The following POU3F1 variants were observed in gnomAD, a reference collection of about 807,000 sequenced individuals.
POU3F1 encodes POU class 3 homeobox 1.
Under a neutral mutation model 7.6 loss-of-function variants are expected in POU3F1, and 1 was observed. The observed-to-expected ratio is 0.13, with a 90% CI of 0.05 to 0.62. The LOEUF (loss-of-function observed/expected upper bound fraction) is 0.62, where lower values mean the gene tolerates loss of function less well. POU3F1 is among the 20% of genes least tolerant of loss of function. The pLI is 0.87. For missense variants in POU3F1, 505 were observed against 679.3 expected (o/e 0.74, Z 2.85); for synonymous variants, 354 against 339.0 (o/e 1.04, Z -0.49).
rs748885293 is a variant in POU3F1 at position 38,045,895 on chromosome 1, G to C, written c.849C>G (p.Leu283=). The change falls in exon 1 of 1, where the codon CTC becomes CTG. Residue 283 remains leucine (L), a synonymous_variant. Transcript: ENST00000373012. The surrounding 1 kb of genome is among the most constrained non-coding windows in gnomAD (Gnocchi z 9.4). Reference sequence around the variant, plus strand: ...TGGTCTGCGAGAACACGTTACCGTAGAGCGTGCCCAGCGCCAGCCCCACGT... The same window carrying C: ...TGGTCTGCGAGAACACGTTACCGTACAGCGTGCCCAGCGCCAGCCCCACGT... ...QADVGLALGT[L]YGNVFSQTTI... is the part of the protein sequence containing the mutation. 2.5e-6 allele frequency: 4 copies of C among 1,613,728 alleles called. No individual in the cohort carries two copies. Among genetic ancestry groups the C allele is most frequent in the African/African-American group, 2.7e-5 (2 of 74,932 alleles).
chr1:38,046,636 G>GGCCGCGGCC lies in POU3F1; in HGVS notation c.107_108insGGCCGCGGC (p.Ala35_Ala37dup). ...CGGCCCCTGCATGCAATCGCTCCGCGGCCGCCGCCGCCGCCGCCGCCGCCG... is the reference window on the plus strand; with the variant it reads ...CGGCCCCTGCATGCAATCGCTCCGCGGCCGCGGCCGCCGCCGCCGCCGCCGCCGCCGCCG... On this transcript the variant is annotated inframe_insertion, in exon 1 of 1. Transcript: ENST00000373012. This position sits in a 1 kb window ranked among gnomAD's most constrained non-coding sequence, Gnocchi z 9.5. 7.6e-7 allele frequency: 1 copy of GGCCGCGGCC among 1,318,530 alleles called. No individual in the cohort carries two copies. Among genetic ancestry groups the GGCCGCGGCC allele is most frequent in the Non-Finnish European group, 9.7e-7 (1 of 1,030,508 alleles). 81.7% of individuals were successfully genotyped at this position (1,318,530 alleles called of 1,614,324 possible). A position where few individuals can be genotyped will look rare whatever the true frequency, so the allele number is the denominator to read the frequency against.
Position 38,046,567 on chromosome 1 carries a change from G to A in POU3F1, c.177C>T (p.Gly59=), listed in dbSNP as rs1362123108. ...VQKLMHHEWL[G]AGAGHPVGLA... ...GGCCCACGGGGTGGCCCGCGCCCGC[G>A]CCCAGCCACTCGTGGTGCATCAGCT... The change falls in exon 1 of 1, where the codon GGC becomes GGT. Residue 59 remains glycine, a synonymous_variant. Coordinates refer to ENST00000373012, the MANE Select transcript of POU3F1 (RefSeq NM_002699.4). This position sits in a 1 kb window ranked among gnomAD's most constrained non-coding sequence, Gnocchi z 9.5. 2 of 1,374,850 alleles carry A rather than the reference G, an allele frequency of 1.5e-6. No homozygotes were observed. The highest frequency in any genetic ancestry group is 9.4e-7 in the Non-Finnish European group (1 of 1,060,502). The allele number at this position is 1,374,850 out of a possible 1,614,324, so 85.2% of individuals were successfully genotyped here. A position where few individuals can be genotyped will look rare whatever the true frequency, so the allele number is the denominator to read the frequency against.
At position 38,045,635 on chromosome 1, in the gene POU3F1, G is replaced by T. The variant is rs369867206; in HGVS notation, c.1109C>A (p.Thr370Asn). 8.7e-6 allele frequency: 14 copies of T among 1,613,550 alleles called. No homozygotes were observed. The highest frequency in any genetic ancestry group is 1.2e-5 in the Non-Finnish European group (14 of 1,179,866). ...KCPKPSAHEITGLADSLQLEK... is the reference protein window; with the variant it reads ...KCPKPSAHEINGLADSLQLEK... Reference sequence around the variant, plus strand: ...CAGCTGCAGGCTGTCTGCCAAGCCGGTGATCTCGTGCGCCGAGGGCTTGGG... The same window carrying T: ...CAGCTGCAGGCTGTCTGCCAAGCCGTTGATCTCGTGCGCCGAGGGCTTGGG... Residue 370 changes from threonine (T) to asparagine (N), a missense_variant, in exon 1 of 1, where the codon ACC becomes AAC. This residue lies in a region of POU3F1 where 24 missense variants were observed against 80.6 expected (regional missense o/e 0.30). Transcript: ENST00000373012. The surrounding 1 kb of genome is among the most constrained non-coding windows in gnomAD (Gnocchi z 9.4).
In POU3F1 at chr1:38,046,382, GC is replaced by G. The variant is rs1250573745; in HGVS notation, c.361del (p.Ala121ArgfsTer181). 7 of 1,227,336 alleles carry G rather than the reference GC, an allele frequency of 5.7e-6. No homozygotes were observed. The highest frequency in any genetic ancestry group is 3.6e-5 in the East Asian group (1 of 27,678). 76.0% of individuals were successfully genotyped at this position (1,227,336 alleles called of 1,614,324 possible). On this transcript the variant is annotated frameshift_variant, in exon 1 of 1. Coordinates refer to ENST00000373012, the MANE Select transcript of POU3F1 (RefSeq NM_002699.4). LOFTEE classifies it low-confidence loss of function (END_TRUNC). This position sits in a 1 kb window ranked among gnomAD's most constrained non-coding sequence, Gnocchi z 9.5. ...GFHARLVHQG[A>X]AHAGAAWAQG... Reference sequence around the variant, plus strand: ...CGCCCATGCCGCGCCCGCGTGGGCCGCCCCCTGGTGCACCAGGCGCGCGTGG... The same window carrying G: ...CGCCCATGCCGCGCCCGCGTGGGCCGCCCCTGGTGCACCAGGCGCGCGTGG...
In POU3F1 at chr1:38,046,636, G is replaced by A; in HGVS notation, c.108C>T (p.Ala36=). 1 of 1,318,530 alleles carries A rather than the reference G, an allele frequency of 7.6e-7. No individual in the cohort carries two copies. The highest frequency in any genetic ancestry group is 1.8e-5 in the South Asian group (1 of 54,220). 81.7% of individuals were successfully genotyped at this position (1,318,530 alleles called of 1,614,324 possible). A position where few individuals can be genotyped will look rare whatever the true frequency, so the allele number is the denominator to read the frequency against. The change falls in exon 1 of 1, where the codon GCC becomes GCT. Residue 36 remains alanine (A), a synonymous_variant. Transcript: ENST00000373012. This position sits in a 1 kb window ranked among gnomAD's most constrained non-coding sequence, Gnocchi z 9.5. The part of the protein sequence containing the change: ...DAAAAAAAAA[A]AERLHAGAAY... ...CGGCCCCTGCATGCAATCGCTCCGCGGCCGCCGCCGCCGCCGCCGCCGCCG... is the reference window on the plus strand; with the variant it reads ...CGGCCCCTGCATGCAATCGCTCCGCAGCCGCCGCCGCCGCCGCCGCCGCCG...
In POU3F1 at chr1:38,045,539, C is replaced by T. The variant is rs1229025906; in HGVS notation, c.1205G>A (p.Gly402Asp). Residue 402 changes from glycine to aspartate, a missense_variant, in exon 1 of 1, where the codon GGC (glycine) becomes GAC (aspartate). Physicochemically the swap from Gly to Asp is moderately conservative, Grantham distance 94. Transcript: ENST00000373012. This position sits in a 1 kb window ranked among gnomAD's most constrained non-coding sequence, Gnocchi z 9.4. ...ATCGTCCATGGGCGGGTGGCCCGCGCCGGCCGCAGGGGTCATGCGCTTCTC... is the reference window on the plus strand; with the variant it reads ...ATCGTCCATGGGCGGGTGGCCCGCGTCGGCCGCAGGGGTCATGCGCTTCTC... ...QKEKRMTPAA[G>D]AGHPPMDDVY... 1 of 1,599,030 alleles carries T rather than the reference C, an allele frequency of 6.3e-7. No individual in the cohort carries two copies. Among genetic ancestry groups the T allele is most frequent in the Non-Finnish European group, 8.5e-7 (1 of 1,173,104 alleles).
chr1:38,043,838 T>C lies in POU3F1; in HGVS notation c.*1550A>G, dbSNP rs1646843409. Among the ~76,000 whole-genome samples the C allele has an allele frequency of 6.6e-6, 1 of 152,006 alleles. No individual in the cohort carries two copies. The highest frequency in any genetic ancestry group is 2.4e-5 in the African/African-American group (1 of 41,354). ...GGACAGGACACAGCCCTGGGGTACA[T>C]GTTTATGTGAGTAATAAAATATTTA... On this transcript the variant is annotated 3_prime_UTR_variant, in exon 1 of 1. Transcript: ENST00000373012. This position sits in a 1 kb window ranked among gnomAD's most constrained non-coding sequence, Gnocchi z 4.5.
At position 38,044,787 on chromosome 1, in the gene POU3F1, G is replaced by C. The variant is rs1365485426; in HGVS notation, c.*601C>G. The C allele has an allele frequency of 2.0e-5, 3 of 152,146 alleles. No homozygotes were observed. Among genetic ancestry groups the C allele is most frequent in the Admixed American group, 1.3e-4 (2 of 15,276 alleles). 9.4% of individuals were successfully genotyped at this position (152,146 alleles called of 1,614,324 possible). On this transcript the variant is annotated 3_prime_UTR_variant, in exon 1 of 1. Coordinates refer to ENST00000373012, the MANE Select transcript of POU3F1 (RefSeq NM_002699.4). ...GATTTAAATTAAGGGCGCGGGCGGA[G>C]TTAGAAGGACCCCAGGAGCCGAGAG...
In POU3F1 at chr1:38,045,669, G is replaced by T. The variant is rs1276597999; in HGVS notation, c.1075C>A (p.Leu359Ile). Residue 359 changes from leucine to isoleucine, a missense_variant, in exon 1 of 1, where the codon CTC (leucine) becomes ATC (isoleucine). By Grantham distance (5) the Leu-to-Ile change is conservative. Around this residue, in one of 5 missense-constraint regions of POU3F1, gnomAD observed 24 missense variants for 80.6 expected, o/e 0.30. Transcript: ENST00000373012. This position sits in a 1 kb window ranked among gnomAD's most constrained non-coding sequence, Gnocchi z 9.4. ...GVKGALESHF[L>I]KCPKPSAHEI... The stretch of plus-strand genomic sequence containing the variant: ...TGCGCCGAGGGCTTGGGGCACTTGA[G>T]AAAGTGGCTCTCGAGCGCGCCTTTG... 11 of 1,613,494 alleles carry T rather than the reference G, an allele frequency of 6.8e-6. No individual in the cohort carries two copies. The highest frequency in any genetic ancestry group is 8.5e-6 in the Non-Finnish European group (10 of 1,179,794).
chr1:38,046,484 C>T lies in POU3F1; in HGVS notation c.260G>A (p.Gly87Asp), dbSNP rs768194616. Residue 87 changes from glycine (G) to aspartate (D), a missense_variant, in exon 1 of 1, where the codon GGC becomes GAC. Gly to Asp is a moderately conservative substitution (Grantham distance 94, BLOSUM62 -1). Transcript: ENST00000373012. This position sits in a 1 kb window ranked among gnomAD's most constrained non-coding sequence, Gnocchi z 9.5. ...TGCCTTGCCGTGTTCTAGGTGCGGG[C>T]CGCCGGCCCAATCGCCGCCGCCGCC... ...GGGGGGDWAGGPHLEHGKAGG... is the reference protein window; with the variant it reads ...GGGGGGDWAGDPHLEHGKAGG... The T allele has an allele frequency of 6.5e-6, 9 of 1,374,598 alleles. No homozygotes were observed. Among genetic ancestry groups the T allele is most frequent in the Non-Finnish European group, 9.4e-7 (1 of 1,063,318 alleles). The allele number at this position is 1,374,598 out of a possible 1,614,324, so 85.2% of individuals were successfully genotyped here.
rs1292968782 is a variant in POU3F1 at position 38,046,427 on chromosome 1, C to CCGT, written c.314_316dup (p.Asp105dup). 5 of 1,294,990 alleles carry CCGT rather than the reference C, an allele frequency of 3.9e-6. No homozygotes were observed. The highest frequency in any genetic ancestry group is 2.1e-5 in the South Asian group (1 of 47,580). The allele number at this position is 1,294,990 out of a possible 1,614,324, so 80.2% of individuals were successfully genotyped here. On this transcript the variant is annotated inframe_insertion, in exon 1 of 1. Transcript: ENST00000373012. The surrounding 1 kb of genome is among the most constrained non-coding windows in gnomAD (Gnocchi z 9.5). ...CGCGTGGAAACCTCCGCCGCCGCCGCCGTCGTCGGCTCGGCCGGTGCCGCC... is the reference window on the plus strand; with the variant it reads ...CGCGTGGAAACCTCCGCCGCCGCCGCCGTCGTCGTCGGCTCGGCCGGTGCCGCC...
In POU3F1 at chr1:38,046,460, G is replaced by T. The variant is rs759687185; in HGVS notation, c.284C>A (p.Ala95Glu). 3 of 1,348,908 alleles carry T rather than the reference G, an allele frequency of 2.2e-6. No individual in the cohort carries two copies. The highest frequency in any genetic ancestry group is 3.3e-5 in the East Asian group (1 of 30,132). 83.6% of individuals were successfully genotyped at this position (1,348,908 alleles called of 1,614,324 possible). ...AGGPHLEHGK[A>E]GGGGTGRADD... is the part of the protein sequence containing the mutation. ...GGCTCGGCCGGTGCCGCCGCCGCCTGCCTTGCCGTGTTCTAGGTGCGGGCC... is the reference window on the plus strand; with the variant it reads ...GGCTCGGCCGGTGCCGCCGCCGCCTTCCTTGCCGTGTTCTAGGTGCGGGCC... The change falls in exon 1 of 1, where the codon GCA (alanine) becomes GAA (glutamate). Residue 95 changes from alanine (A) to glutamate (E), a missense_variant. Transcript: ENST00000373012. The surrounding 1 kb of genome is among the most constrained non-coding windows in gnomAD (Gnocchi z 9.5).
At position 38,044,110 on chromosome 1, in the gene POU3F1, T is replaced by C. The variant is rs1224832030; in HGVS notation, c.*1278A>G. Among the ~76,000 whole-genome samples, 5 of 152,194 alleles carry C rather than the reference T, an allele frequency of 3.3e-5. No homozygotes were observed. The highest frequency in any genetic ancestry group is 3.3e-4 in the Admixed American group (5 of 15,286). Reference sequence around the variant, plus strand: ...AAAATATCTTTTTCGGATTAGTCAGTGTACAAAATCCTTTAGGGTAGGAAG... The same window carrying C: ...AAAATATCTTTTTCGGATTAGTCAGCGTACAAAATCCTTTAGGGTAGGAAG... On this transcript the variant is annotated 3_prime_UTR_variant, in exon 1 of 1. Transcript: ENST00000373012.
In POU3F1 at chr1:38,045,205, T is replaced by C. The variant is rs1402997724; in HGVS notation, c.*183A>G. 5.5e-6 allele frequency: 1 copy of C among 182,102 alleles called. No individual in the cohort carries two copies. Among genetic ancestry groups the C allele is most frequent in the Non-Finnish European group, 1.1e-5 (1 of 91,910 alleles). 11.3% of individuals were successfully genotyped at this position (182,102 alleles called of 1,614,324 possible). ...CTCCCGGGGCTCGGGCGACGCAGCC[T>C]ACCGGGCTGTCTTCGCCGCTCACCG... On this transcript the variant is annotated 3_prime_UTR_variant, in exon 1 of 1. Transcript: ENST00000373012. This position sits in a 1 kb window ranked among gnomAD's most constrained non-coding sequence, Gnocchi z 9.4.
rs1251182463 is a variant in POU3F1 at position 38,044,045 on chromosome 1, AAAAT to A, written c.*1339_*1342del. On this transcript the variant is annotated 3_prime_UTR_variant, in exon 1 of 1. Transcript: ENST00000373012. Reference sequence around the variant, plus strand: ...AGGGGGAAGCTCCAAACACATCCAGAAAATAAATAGAGATGGGTCAGAAATTCGG... The same window carrying A: ...AGGGGGAAGCTCCAAACACATCCAGAAAATAGAGATGGGTCAGAAATTCGG... Among the ~76,000 whole-genome samples, 4 of 152,258 alleles carry A rather than the reference AAAAT, an allele frequency of 2.6e-5. No individual in the cohort carries two copies. Among genetic ancestry groups the A allele is most frequent in the African/African-American group, 4.8e-5 (2 of 41,468 alleles).
In POU3F1 at chr1:38,045,486, C is replaced by T. The variant is rs1465706489; in HGVS notation, c.1258G>A (p.Gly420Ser). 6.6e-7 allele frequency: 1 copy of T among 1,512,322 alleles called. No homozygotes were observed. Among genetic ancestry groups the T allele is most frequent in the Non-Finnish European group, 8.8e-7 (1 of 1,134,620 alleles). The allele number at this position is 1,512,322 out of a possible 1,614,324, so 93.7% of individuals were successfully genotyped here. A position where few individuals can be genotyped will look rare whatever the true frequency, so the allele number is the denominator to read the frequency against. ...DVYAPGELGP[G>S]GGGASPPSAP... ...GAGGGTGGCGATGCGCCGCCCCCGCCAGGCCCTAGCTCCCCAGGCGCGTAT... is the reference window on the plus strand; with the variant it reads ...GAGGGTGGCGATGCGCCGCCCCCGCTAGGCCCTAGCTCCCCAGGCGCGTAT... The change falls in exon 1 of 1, where the codon GGC becomes AGC. Residue 420 changes from glycine (G) to serine (S), a missense_variant. Coordinates refer to ENST00000373012, the MANE Select transcript of POU3F1 (RefSeq NM_002699.4). This position sits in a 1 kb window ranked among gnomAD's most constrained non-coding sequence, Gnocchi z 9.4.
rs1339980794 is a variant in POU3F1, at chr1:38,045,299, A to C, written c.*89T>G. On this transcript the variant is annotated 3_prime_UTR_variant, in exon 1 of 1. Transcript: ENST00000373012. This position sits in a 1 kb window ranked among gnomAD's most constrained non-coding sequence, Gnocchi z 9.4. Reference sequence around the variant, plus strand: ...GCTTTTTTTTTTTTTTGTAAAATCCAAAGCAACCGAACAAAAAGAGTCCAG... The same window carrying C: ...GCTTTTTTTTTTTTTTGTAAAATCCCAAGCAACCGAACAAAAAGAGTCCAG... 1.1e-5 allele frequency: 4 copies of C among 379,966 alleles called. No homozygotes were observed. Among genetic ancestry groups the C allele is most frequent in the Non-Finnish European group, 1.5e-5 (4 of 269,300 alleles). The allele number at this position is 379,966 out of a possible 1,614,324, so 23.5% of individuals were successfully genotyped here.
rs1331378084 is a variant in POU3F1 at position 38,045,434 on chromosome 1, G to A, written c.1310C>T (p.Ala437Val). The change falls in exon 1 of 1, where the codon GCG (alanine) becomes GTG (valine). Residue 437 changes from alanine to valine, a missense_variant. By Grantham distance (64) the Ala-to-Val change is moderately conservative. This residue lies in a region of POU3F1 where 72 missense variants were observed against 93.7 expected (regional missense o/e 0.77). Transcript: ENST00000373012. The surrounding 1 kb of genome is among the most constrained non-coding windows in gnomAD (Gnocchi z 9.4). Reference protein sequence around the residue: ...PSAPPPPPPAALHHHHHHTLP... With the variant: ...PSAPPPPPPAVLHHHHHHTLP... ...TGTGTGGTGGTGGTGGTGGTGCAGCGCCGCCGGCGGGGGCGGTGGGGGCGC... is the reference window on the plus strand; with the variant it reads ...TGTGTGGTGGTGGTGGTGGTGCAGCACCGCCGGCGGGGGCGGTGGGGGCGC... 7 of 1,439,914 alleles carry A rather than the reference G, an allele frequency of 4.9e-6. No individual in the cohort carries two copies. The highest frequency in any genetic ancestry group is 4.4e-5 in the African/African-American group (3 of 68,490). 89.2% of individuals were successfully genotyped at this position (1,439,914 alleles called of 1,614,324 possible). A position where few individuals can be genotyped will look rare whatever the true frequency, so the allele number is the denominator to read the frequency against.
At position 38,046,091 on chromosome 1, in the gene POU3F1, G is replaced by A. The variant is rs566307704; in HGVS notation, c.653C>T (p.Ala218Val). ...LGAHGHAHGH[A>V]HAGGLHAAAA... ...CGCCGCGTGCAGGCCGCCCGCGTGT[G>A]CATGTCCGTGTGCGTGTCCGTGGGC... The change falls in exon 1 of 1, where the codon GCA becomes GTA. Residue 218 changes from alanine (A) to valine (V), a missense_variant. Coordinates refer to ENST00000373012, the MANE Select transcript of POU3F1 (RefSeq NM_002699.4). The surrounding 1 kb of genome is among the most constrained non-coding windows in gnomAD (Gnocchi z 9.5). 3.1e-4 allele frequency: 453 copies of A among 1,456,496 alleles called. No individual in the cohort carries two copies. The African/African-American group carries it at 5.6e-3, about 18-fold the overall frequency. 90.2% of individuals were successfully genotyped at this position (1,456,496 alleles called of 1,614,324 possible).
Sources: allele counts gnomAD v4.1 joint callset (sites outside exome capture counted in the v4.1 genomes callset), GRCh38; gene constraint gnomAD v4.1.1; regional missense constraint gnomAD v4.1.1; non-coding constraint Gnocchi (gnomAD v3.1); transcripts MANE v1.5; gene names NCBI Gene and HGNC (gene_info 2026-07-23, HGNC 2026-07-21).